LRPPRC: variants seen among roughly 807,000 people sequenced by gnomAD.
LRPPRC encodes leucine rich pentatricopeptide repeat containing, also known as leucine-rich PPR motif-containing protein, mitochondrial.
A neutral mutation model predicts 180.3 loss-of-function variants in LRPPRC; 120 were observed. The observed-to-expected ratio is 0.67, with a 90% CI of 0.57 to 0.77. LRPPRC has a LOEUF of 0.77. Among genes scored for constraint, LRPPRC ranks in the 30% least tolerant of loss-of-function variants. LRPPRC has a pLI of 0.00. For missense variants in LRPPRC, 2,012 were observed against 1,657.2 expected, an observed-to-expected ratio of 1.21 and a Z score of -3.72; for synonymous variants, 723 against 600.0, an observed-to-expected ratio of 1.21 and a Z score of -3.00.
At chr2:43,911,460 A>G (rs1325900758) in intron 30 of LRPPRC, among the ~76,000 whole-genome samples, 1 of 151,614 alleles carries the variant, frequency 6.6e-6, no homozygotes, top group Non-Finnish European at 1.5e-5. Flanking sequence ...CTAATATTCT[A>G]AAAGTGCTGC....
chr2:43,945,384 G>C lies in LRPPRC; in HGVS notation c.2244C>G (p.Thr748=). 2 of 1,612,200 alleles carry C rather than the reference G, an allele frequency of 1.2e-6. No homozygotes were observed. The highest frequency in any genetic ancestry group is 1.7e-5 in the Admixed American group (1 of 59,958). ...CTCTTACAAGGCCTACATACTTGCC[G>C]GTGTCAAGGACAGCAGATGAATCTA... is the stretch of plus-strand genomic sequence containing the variant. The part of the protein sequence containing the change: ...DRLDSSAVLD[T]GKYVGLVRVL... Residue 748 remains threonine (T), a synonymous_variant, in exon 22 of 38, where the codon ACC becomes ACG. Transcript: ENST00000260665.
At chr2:43,924,307 G>A (rs1305549530) in intron 27 of LRPPRC, among the ~76,000 whole-genome samples, 1 of 152,152 alleles carries the variant, frequency 6.6e-6, no homozygotes, top group Non-Finnish European at 1.5e-5. Context: ...AGCTCCAAAT[G>A]TGTACACTAG....
chr2:43,951,182 C>T (rs542446922), intron 14 of LRPPRC, among the ~76,000 whole-genome samples: 41 of 152,252 alleles, frequency 2.7e-4, no homozygotes, highest in African/African-American at 9.6e-4. Context: ...AATATAATTC[C>T]CTGAGAAGAC....
intron 1 of LRPPRC, among the ~76,000 whole-genome samples, chr2:43,986,163 C>T (rs1026651923): frequency 6.6e-6 from 1 of 152,072 alleles, no homozygotes; most frequent in Non-Finnish European, 1.5e-5. Flanking sequence ...TGGAGTCTTG[C>T]TCTGTCACCC....
At position 43,886,270 on chromosome 2, in the gene LRPPRC, TTGGGTTCAAATACA is replaced by T. The variant is rs1375051279; in HGVS notation, c.*2316_*2329del. Among the ~76,000 whole-genome samples, 2 of 152,182 alleles carry T rather than the reference TTGGGTTCAAATACA, an allele frequency of 1.3e-5. No homozygotes were observed. The highest frequency in any genetic ancestry group is 2.9e-5 in the Non-Finnish European group (2 of 68,030). ...TCAAAGCATTTCAGTTAAAATTATT[TTGGGTTCAAATACA>T]TGAACATATAATTATATATAAAATA... On this transcript the variant is annotated 3_prime_UTR_variant, in exon 38 of 38. Coordinates refer to ENST00000260665, the MANE Select transcript of LRPPRC (RefSeq NM_133259.4).
intron 25 of LRPPRC, among the ~76,000 whole-genome samples, chr2:43,926,511 G>A (rs576622031): frequency 6.6e-5 from 10 of 152,102 alleles, no homozygotes; most frequent in Admixed American, 6.5e-5. Context: ...AGGATTACAG[G>A]TGTGTGCCAC....
chr2:43,949,502 T>G (rs1672815737), intron 16 of LRPPRC, 100 bp downstream of exon 16: 11 of 845,122 alleles, frequency 1.3e-5, no homozygotes, highest in Non-Finnish European at 2.0e-5. Context: ...AAATTCCACT[T>G]TAAAAAATAA....
intron 23 of LRPPRC, among the ~76,000 whole-genome samples, chr2:43,940,532 T>G (rs1672440446): frequency 6.6e-6 from 1 of 152,196 alleles, no homozygotes; most frequent in Admixed American, 6.5e-5. Context: ...GAAATGCATA[T>G]GTACATATAC....
At chr2:43,957,339 A>T (rs773084089) in intron 14 of LRPPRC, 46 bp downstream of exon 14, 1 of 1,269,200 alleles carries the variant, frequency 7.9e-7, no homozygotes, top group South Asian at 1.2e-5. Context: ...GGACAGGAGA[A>T]ATCAGTCCAT....
chr2:43,886,423 T>C lies in LRPPRC; in HGVS notation c.*2177A>G, dbSNP rs948846616. 17 of 152,216 alleles carry C rather than the reference T, an allele frequency of 1.1e-4. No individual in the cohort carries two copies. Among genetic ancestry groups the C allele is most frequent in the African/African-American group, 3.9e-4 (16 of 41,468 alleles). The allele number at this position is 152,216 out of a possible 1,614,324, so 9.4% of individuals were successfully genotyped here. A position where few individuals can be genotyped will look rare whatever the true frequency, so the allele number is the denominator to read the frequency against. ...TTGTTTATATTTCTACTTATTTCAA[T>C]TTAGCTATTAGATATTTAGAACACT... On this transcript the variant is annotated 3_prime_UTR_variant, in exon 38 of 38. Transcript: ENST00000260665.
chr2:43,899,376 T>G, intron 33 of LRPPRC, 42 bp from the exon 34 acceptor site: 1 of 1,602,420 alleles, frequency 6.2e-7, no homozygotes, highest in African/African-American at 1.3e-5. Context: ...ATTAGAACAG[T>G]GGTATAACTC....
intron 35 of LRPPRC, among the ~76,000 whole-genome samples, chr2:43,895,839 C>A (rs947647455): frequency 6.6e-6 from 1 of 151,906 alleles, no homozygotes; most frequent in African/African-American, 2.4e-5. Context: ...AGGTAAAATC[C>A]GATCTAAGAG....
chr2:43,943,890 A>T lies in LRPPRC; in HGVS notation c.2301T>A (p.Ala767=), dbSNP rs1215516234. Residue 767 remains alanine, a synonymous_variant, in exon 23 of 38, where the codon GCT becomes GCA. Transcript: ENST00000260665. The part of the protein sequence containing the change: ...VLAKHGKLQD[A]INILKEMKEK... ...CTTTCATCTCCTTCAGAATGTTAAT[A>T]GCATCTACAATGAAGTAACACAAAA... 4 of 1,609,154 alleles carry T rather than the reference A, an allele frequency of 2.5e-6. No individual in the cohort carries two copies. The highest frequency in any genetic ancestry group is 2.2e-5 in the South Asian group (2 of 90,962).
At chr2:43,987,972 G>C (rs529548923) in intron 1 of LRPPRC, among the ~76,000 whole-genome samples, 3 of 152,210 alleles carry the variant, frequency 2.0e-5, no homozygotes, top group Middle Eastern at 6.8e-3. Context: ...GGCCAGGCAC[G>C]GTAGCTCAAG....
chr2:43,918,365 A>G lies in LRPPRC; in HGVS notation c.2930T>C (p.Val977Ala). The G allele has an allele frequency of 6.2e-7, 1 of 1,611,178 alleles. No homozygotes were observed. Among genetic ancestry groups the G allele is most frequent in the Non-Finnish European group, 8.5e-7 (1 of 1,177,328 alleles). ...INGDWQRADAVWNKIQEENVI... is the reference protein window; with the variant it reads ...INGDWQRADAAWNKIQEENVI... ...ATTTTCTTCTTGGATTTTATTCCAGACTGCATCAGCTCTTTGCCAGTCACC... is the reference window on the plus strand; with the variant it reads ...ATTTTCTTCTTGGATTTTATTCCAGGCTGCATCAGCTCTTTGCCAGTCACC... The change falls in exon 28 of 38, where the codon GTC (valine) becomes GCC (alanine). Residue 977 changes from valine to alanine, a missense_variant. Transcript: ENST00000260665.
At chr2:43,915,053 CAAA>C (rs71393213) in intron 29 of LRPPRC, among the ~76,000 whole-genome samples, 6,301 of 96,094 alleles carry the variant, frequency 0.066, 111 homozygotes, top group South Asian at 0.094. Context: ...ACTAAAAATA[CAAA>C]AAAAAAAAAA....
chr2:43,985,835 T>C (rs1674505190), intron 1 of LRPPRC, among the ~76,000 whole-genome samples: 1 of 152,370 alleles, frequency 6.6e-6, no homozygotes, highest in South Asian at 2.1e-4. Flanking sequence ...TGAACTCATT[T>C]GGGTAAATAC....
rs1369053962 is a variant in LRPPRC, at chr2:43,957,449, T to G, written c.1585A>C (p.Lys529Gln). The G allele has an allele frequency of 6.2e-7, 1 of 1,611,022 alleles. No individual in the cohort carries two copies. The highest frequency in any genetic ancestry group is 1.1e-5 in the South Asian group (1 of 91,022). The change falls in exon 14 of 38, where the codon AAA becomes CAA. Residue 529 changes from lysine (K) to glutamine (Q), a missense_variant and splice_region_variant. Coordinates refer to ENST00000260665, the MANE Select transcript of LRPPRC (RefSeq NM_133259.4). ...GNLDFVLSFL[K>Q]SNTLPISLQS... ...AGCGAGATGGGCAATGTATTTGATT[T>G]CACTGCAAAAGAAAATGACCATCAT...
intron 25 of LRPPRC, among the ~76,000 whole-genome samples, chr2:43,926,707 A>G (rs904171279): frequency 6.6e-6 from 1 of 152,188 alleles, no homozygotes; most frequent in Admixed American, 6.5e-5. Flanking sequence ...TCTTGAACAC[A>G]CACACATACA....
Sources: allele counts gnomAD v4.1 joint callset (sites outside exome capture counted in the v4.1 genomes callset), GRCh38; gene constraint gnomAD v4.1.1; transcripts MANE v1.5; gene names NCBI Gene and HGNC (gene_info 2026-07-23, HGNC 2026-07-21).